The following TRPS1 variants were observed in gnomAD, a reference collection of about 807,000 sequenced individuals.
TRPS1 encodes the protein transcriptional repressor GATA binding 1.
In TRPS1, 6 loss-of-function variants were observed where a neutral mutation model predicts 101.2. The observed-to-expected ratio is 0.06, with a 90% CI of 0.03 to 0.12. The LOEUF (loss-of-function observed/expected upper bound fraction) is 0.12, where lower values mean the gene tolerates loss of function less well. Among genes scored for constraint, TRPS1 ranks in the 10% least tolerant of loss-of-function variants. The probability of loss-of-function intolerance (pLI) is 1.00; values close to 1 mark genes in which losing one functional copy is unlikely to be tolerated. For synonymous variants in TRPS1, 578 were observed against 589.8 expected, an observed-to-expected ratio of 0.98 and a Z score of 0.29; for missense variants, 1,363 against 1,567.0, an observed-to-expected ratio of 0.87 and a Z score of 2.20.
In TRPS1 at chr8:115,637,792, G is replaced by T. The variant is rs574159575; in HGVS notation, c.-121-14034C>A. On this transcript the variant is annotated intron_variant, in intron 1 of 6. Transcript: ENST00000395715. ...CTCATGTTTGCTGAACAAGCTTCAT[G>T]AAACTTATTGAAAAGACAAAAATAG... 2.0e-5 allele frequency among the ~76,000 whole-genome samples: 3 copies of T among 152,222 alleles called. No individual in the cohort carries two copies. The South Asian group carries it at 6.2e-4, about 32-fold the overall frequency.
chr8:115,518,738 C>T (rs1277404741), intron 5 of TRPS1, among the ~76,000 whole-genome samples: 2 of 151,764 alleles, frequency 1.3e-5, no homozygotes, highest in African/African-American at 4.8e-5. Flanking sequence ...GGCATAGCTC[C>T]GATCACTTTA....
intron 5 of TRPS1, among the ~76,000 whole-genome samples, chr8:115,581,050 A>G (rs966458605): frequency 3.3e-5 from 5 of 152,156 alleles, no homozygotes; most frequent in Admixed American, 2.6e-4. Context: ...AATACACACA[A>G]TGGAATATAT....
intron 4 of TRPS1, among the ~76,000 whole-genome samples, chr8:115,602,805 A>G (rs1817938897): frequency 6.6e-6 from 1 of 152,212 alleles, no homozygotes; most frequent in African/African-American, 2.4e-5. Context: ...AAAGTACCCA[A>G]TGAGCACTAA....
intron 1 of TRPS1, among the ~76,000 whole-genome samples, chr8:115,637,003 T>C (rs1818783522): frequency 6.6e-6 from 1 of 152,114 alleles, no homozygotes; most frequent in Non-Finnish European, 1.5e-5. Context: ...TATTAATATT[T>C]CTATTATTTC....
chr8:115,667,307 C>CA (rs1163378442), intron 1 of TRPS1, among the ~76,000 whole-genome samples: 1 of 152,168 alleles, frequency 6.6e-6, no homozygotes, highest in Non-Finnish European at 1.5e-5. Context: ...TTCCCAGCCA[C>CA]AAAAACAGCT....
chr8:115,467,490 T>G (rs1276738422), intron 5 of TRPS1, among the ~76,000 whole-genome samples: 1 of 152,182 alleles, frequency 6.6e-6, no homozygotes, highest in East Asian at 1.9e-4. Flanking sequence ...TAAAGCTCAT[T>G]TATTCTGAAC....
chr8:115,560,145 C>T lies in TRPS1; in HGVS notation c.2700+26856G>A, dbSNP rs193216249. On this transcript the variant is annotated intron_variant, in intron 5 of 6. Transcript: ENST00000395715. Reference sequence around the variant, plus strand: ...GTAGAGTAAAAATAAAATCAACATTCCTTCATTTCTCAAATCATTTCCCAA... The same window carrying T: ...GTAGAGTAAAAATAAAATCAACATTTCTTCATTTCTCAAATCATTTCCCAA... Among the ~76,000 whole-genome samples, 259 of 152,108 alleles carry T rather than the reference C, an allele frequency of 1.7e-3. 1 individual carries two copies. Among genetic ancestry groups the T allele is most frequent in the African/African-American group, 6.0e-3 (251 of 41,500 alleles).
chr8:115,568,351 A>G (rs1196741290), intron 5 of TRPS1, among the ~76,000 whole-genome samples: 1 of 152,258 alleles, frequency 6.6e-6, no homozygotes, highest in East Asian at 1.9e-4. Flanking sequence ...AACTCTCACA[A>G]TTTTAAATTA....
rs1554605171 is a variant in TRPS1 at position 115,659,567 on chromosome 8, A to AAG, written c.-122+8977_-122+8978insCT. On this transcript the variant is annotated intron_variant, in intron 1 of 6. Transcript: ENST00000395715. ...AGTAATATGGGCCTTGATTAAAATT[A>AAG]ATATATATATGACCTGTCTTAACTT... is the stretch of plus-strand genomic sequence containing the variant. Among the ~76,000 whole-genome samples the AAG allele has an allele frequency of 1.1e-4, 17 of 152,062 alleles. No individual in the cohort carries two copies. In the South Asian group the frequency reaches 2.7e-3, roughly 24 times the overall value.
intron 1 of TRPS1, among the ~76,000 whole-genome samples, chr8:115,632,567 T>C (rs926293206): frequency 6.6e-6 from 1 of 152,114 alleles, no homozygotes; most frequent in Non-Finnish European, 1.5e-5. Flanking sequence ...TAAATCTGTA[T>C]CAGCAGTAGA....
intron 5 of TRPS1, among the ~76,000 whole-genome samples, chr8:115,423,532 A>G (rs1813118525): frequency 6.6e-6 from 1 of 152,226 alleles, no homozygotes; most frequent in Non-Finnish European, 1.5e-5. Context: ...AACTTTTAAT[A>G]TGAATACCCT....
At chr8:115,435,558 T>C (rs1813427572) in intron 5 of TRPS1, among the ~76,000 whole-genome samples, 1 of 152,086 alleles carries the variant, frequency 6.6e-6, no homozygotes, top group Admixed American at 6.6e-5. Context: ...GGCTGGTTCA[T>C]GGGAATTGAA....
At chr8:115,487,176 A>G (rs906733320) in intron 5 of TRPS1, among the ~76,000 whole-genome samples, 1 of 152,178 alleles carries the variant, frequency 6.6e-6, no homozygotes, top group African/African-American at 2.4e-5. Flanking sequence ...GTAATGGGAC[A>G]GCAAAGCCTG....
In TRPS1 at chr8:115,604,507, G is replaced by A; in HGVS notation, c.1462C>T (p.Leu488Phe). 6.2e-7 allele frequency: 1 copy of A among 1,614,084 alleles called. No individual in the cohort carries two copies. The highest frequency in any genetic ancestry group is 1.1e-5 in the South Asian group (1 of 91,090). Residue 488 changes from leucine (L) to phenylalanine (F), a missense_variant, in exon 4 of 7, where the codon CTT becomes TTT. Around this residue, in one of 5 missense-constraint regions of TRPS1, gnomAD observed 1,020 missense variants for 1,073.0 expected, o/e 0.95. Coordinates refer to ENST00000395715, the MANE Select transcript of TRPS1 (RefSeq NM_014112.5). The surrounding 1 kb of genome is among the most constrained non-coding windows in gnomAD (Gnocchi z 4.1). ...GGLNPELNDK[L>F]SRGSVINQND... is the part of the protein sequence containing the mutation. ...TGATTAATGACAGAGCCCCTGGAAAGCTTATCATTTAACTCTGGATTAAGG... is the reference window on the plus strand; with the variant it reads ...TGATTAATGACAGAGCCCCTGGAAAACTTATCATTTAACTCTGGATTAAGG...
At chr8:115,597,625 T>A (rs1817817526) in intron 4 of TRPS1, among the ~76,000 whole-genome samples, 1 of 152,144 alleles carries the variant, frequency 6.6e-6, no homozygotes, top group African/African-American at 2.4e-5. Context: ...AAAAATTTTT[T>A]GTGCTTAACT....
rs1812743129 is a variant in TRPS1, at chr8:115,409,713, C to CTTT, written c.*4309_*4310insAAA. 1 of 152,066 alleles carries CTTT rather than the reference C, an allele frequency of 6.6e-6. No homozygotes were observed. Among genetic ancestry groups the CTTT allele is most frequent in the Non-Finnish European group, 1.5e-5 (1 of 68,000 alleles). The allele number at this position is 152,066 out of a possible 1,614,324, so 9.4% of individuals were successfully genotyped here. A position where few individuals can be genotyped will look rare whatever the true frequency, so the allele number is the denominator to read the frequency against. ...CTTTCTTTGGGAAAATAACAATGCC[C>CTTT]TCCAAAGTCCCGACGGGCGTCCTTC... is the stretch of plus-strand genomic sequence containing the variant. On this transcript the variant is annotated 3_prime_UTR_variant, in exon 7 of 7. Transcript: ENST00000395715.
intron 5 of TRPS1, among the ~76,000 whole-genome samples, chr8:115,515,704 C>T (rs1815693803): frequency 6.6e-6 from 1 of 151,310 alleles, no homozygotes; most frequent in Non-Finnish European, 1.5e-5. Flanking sequence ...AGAGAATATG[C>T]ATAACTTAAG....
intron 5 of TRPS1, among the ~76,000 whole-genome samples, chr8:115,568,877 A>G (rs904445175): frequency 2.0e-5 from 3 of 152,170 alleles, no homozygotes; most frequent in African/African-American, 7.2e-5. Flanking sequence ...TCTCTGATTT[A>G]GCATCTCACT....
intron 6 of TRPS1, among the ~76,000 whole-genome samples, chr8:115,416,960 GT>G (rs1812937237): frequency 6.6e-6 from 1 of 152,088 alleles, no homozygotes; most frequent in African/African-American, 2.4e-5. Flanking sequence ...TTTTGTGTCA[GT>G]TTTTGACACA....
Sources: allele counts gnomAD v4.1 joint callset (sites outside exome capture counted in the v4.1 genomes callset), GRCh38; gene constraint gnomAD v4.1.1; regional missense constraint gnomAD v4.1.1; non-coding constraint Gnocchi (gnomAD v3.1); transcripts MANE v1.5; gene names NCBI Gene and HGNC (gene_info 2026-07-23, HGNC 2026-07-21).